ZNF438: variants seen among roughly 807,000 people sequenced by gnomAD.
The protein encoded by ZNF438 is zinc finger protein 438.
ZNF438 carries 25 observed loss-of-function variants against 38.0 expected under a neutral mutation model. That is an observed-to-expected ratio of 0.66 (90% confidence interval 0.48 to 0.92). The LOEUF (loss-of-function observed/expected upper bound fraction) is 0.92, where lower values mean the gene tolerates loss of function less well. Ranked by LOEUF, ZNF438 falls within the 40% of genes least tolerant of loss-of-function variation. The pLI is 0.00. For missense variants in ZNF438, 1,007 were observed against 999.6 expected (o/e 1.01, Z -0.10); for synonymous variants, 372 against 364.1 (o/e 1.02, Z -0.25).
At chr10:30,883,864 T>C (rs2039598262) in intron 3 of ZNF438, among the ~76,000 whole-genome samples, 1 of 152,174 alleles carries the variant, frequency 6.6e-6, no homozygotes, top group African/African-American at 2.4e-5. Context: ...CACTCCAGAC[T>C]AAGTGACAGA....
At chr10:30,968,857 G>A (rs978370152) in intron 1 of ZNF438, among the ~76,000 whole-genome samples, 4 of 152,114 alleles carry the variant, frequency 2.6e-5, no homozygotes, top group South Asian at 2.1e-4. Flanking sequence ...TTAGAGACCC[G>A]TGGTTGGGAT....
intron 4 of ZNF438, among the ~76,000 whole-genome samples, chr10:30,864,099 G>C (rs778532612): frequency 6.6e-6 from 1 of 152,136 alleles, no homozygotes; most frequent in Non-Finnish European, 1.5e-5. Context: ...GGAAAAAAGA[G>C]AGGCTATTAT....
chr10:31,007,331 A>T, intron 1 of ZNF438, among the ~76,000 whole-genome samples: 1 of 138,250 alleles, frequency 7.2e-6, no homozygotes, highest in African/African-American at 2.8e-5. Flanking sequence ...GCCCTGGCTG[A>T]AGTGCAGTGG....
chr10:30,859,358 G>A (rs1248125793), intron 4 of ZNF438, among the ~76,000 whole-genome samples: 6 of 152,148 alleles, frequency 3.9e-5, no homozygotes, highest in South Asian at 2.1e-4. Context: ...GATTACAGGC[G>A]TGAGCCACTG....
intron 1 of ZNF438, among the ~76,000 whole-genome samples, chr10:30,964,431 T>C (rs1019902412): frequency 6.6e-6 from 1 of 152,164 alleles, no homozygotes; most frequent in Non-Finnish European, 1.5e-5. Context: ...TTGATTAGTG[T>C]CCATATCCTC....
At chr10:31,026,116 G>A (rs913499479) in intron 1 of ZNF438, among the ~76,000 whole-genome samples, 4 of 152,088 alleles carry the variant, frequency 2.6e-5, no homozygotes, top group Non-Finnish European at 5.9e-5. Context: ...TTACATGTTA[G>A]ACCTAAAACC....
chr10:30,912,982 T>A (rs1202151241), intron 2 of ZNF438, among the ~76,000 whole-genome samples: 1 of 152,058 alleles, frequency 6.6e-6, no homozygotes, highest in Non-Finnish European at 1.5e-5. Flanking sequence ...AACATATCTG[T>A]TGGGATTTAA....
intron 2 of ZNF438, among the ~76,000 whole-genome samples, chr10:30,941,094 T>C (rs1046771269): frequency 2.0e-5 from 3 of 152,174 alleles, no homozygotes; most frequent in African/African-American, 7.2e-5. Context: ...TATTTTGACA[T>C]GGAGTCTCGT....
intron 3 of ZNF438, among the ~76,000 whole-genome samples, chr10:30,887,820 C>T (rs1223335992): frequency 1.3e-5 from 2 of 152,184 alleles, no homozygotes; most frequent in African/African-American, 2.4e-5. Context: ...TTGTGCTCTT[C>T]TGTAATAAAT....
intron 1 of ZNF438, among the ~76,000 whole-genome samples, chr10:31,024,956 A>T (rs1245737858): frequency 1.3e-5 from 2 of 152,230 alleles, no homozygotes; most frequent in Non-Finnish European, 2.9e-5. Context: ...AAAAATATTC[A>T]TAGCCAAAAA....
intron 2 of ZNF438, among the ~76,000 whole-genome samples, chr10:30,912,548 A>G (rs1367452997): frequency 6.6e-6 from 1 of 152,114 alleles, no homozygotes; most frequent in Admixed American, 6.5e-5. Context: ...TTTAATCTCT[A>G]GTCCAGACCC....
intron 3 of ZNF438, among the ~76,000 whole-genome samples, chr10:30,879,418 T>C (rs2038912773): frequency 6.6e-6 from 1 of 152,114 alleles, no homozygotes; most frequent in Non-Finnish European, 1.5e-5. Context: ...TACAAAAATA[T>C]CTACCACCCA....
chr10:31,032,207 G>A (rs1422430468), upstream of ZNF438, among the ~76,000 whole-genome samples: 2 of 152,238 alleles, frequency 1.3e-5, no homozygotes, highest in African/African-American at 4.8e-5. Flanking sequence ...CGCCCTGGGG[G>A]CTGGAGTAAG....
intron 1 of ZNF438, among the ~76,000 whole-genome samples, chr10:30,969,504 ATT>A (rs2050512972): frequency 6.6e-6 from 1 of 152,220 alleles, no homozygotes; most frequent in South Asian, 2.1e-4. Flanking sequence ...TGAATTCTAA[ATT>A]GCTATAATAC....
rs1003238006 is a variant in ZNF438, at chr10:30,958,434, A to C, written c.-191-16783T>G. Among the ~76,000 whole-genome samples, 3 of 147,168 alleles carry C rather than the reference A, an allele frequency of 2.0e-5. 1 individual carries two copies. The highest frequency in any genetic ancestry group is 4.6e-5 in the Non-Finnish European group (3 of 64,850). On this transcript the variant is annotated intron_variant, in intron 1 of 5. Coordinates refer to ENST00000413025, the Ensembl canonical transcript of ZNF438. Reference sequence around the variant, plus strand: ...CATATTGAGAGATGTCTTCTTAGAGAGCTTAGAGCAAAATCCATGATCCAC... The same window carrying C: ...CATATTGAGAGATGTCTTCTTAGAGCGCTTAGAGCAAAATCCATGATCCAC...
chr10:30,881,585 G>A (rs1425569076), intron 3 of ZNF438, among the ~76,000 whole-genome samples: 1 of 152,012 alleles, frequency 6.6e-6, no homozygotes, highest in African/African-American at 2.4e-5. Context: ...AATTCAATGT[G>A]ATCCTAATCA....
chr10:30,953,242 G>A (rs1589394138), intron 1 of ZNF438, among the ~76,000 whole-genome samples: 1 of 150,634 alleles, frequency 6.6e-6, no homozygotes, highest in East Asian at 2.0e-4. Context: ...TCACACTCTG[G>A]GGACTGTTGT....
At chr10:30,857,787 T>C in intron 4 of ZNF438, 1 of 1,407,636 alleles carries the variant, frequency 7.1e-7, no homozygotes, top group South Asian at 1.7e-5. Flanking sequence ...ATCTGATGGA[T>C]ATCATTTACA....
At chr10:30,935,654 G>C (rs1486481936) in intron 2 of ZNF438, among the ~76,000 whole-genome samples, 1 of 152,136 alleles carries the variant, frequency 6.6e-6, no homozygotes, top group African/African-American at 2.4e-5. Context: ...AGAAATACCA[G>C]AGACTGGTTA....
Sources: gnomAD v4.1 joint callset for allele counts (sites outside exome capture counted in the v4.1 genomes callset) on GRCh38, gnomAD v4.1.1 for gene constraint, MANE v1.5 for transcripts, NCBI Gene and HGNC (gene_info 2026-07-23, HGNC 2026-07-21) for gene names.